FRMD5: variants seen among roughly 807,000 people sequenced by gnomAD.
FRMD5 encodes the protein FERM domain-containing protein 5.
In FRMD5, 20 loss-of-function variants were observed where a neutral mutation model predicts 69.0. That is an observed-to-expected ratio of 0.29 (90% CI 0.20 to 0.42). FRMD5 has a LOEUF of 0.42. FRMD5 is among the 10% of genes least tolerant of loss of function. The pLI, the probability that FRMD5 is intolerant of heterozygous loss-of-function variation, is 1.00. For synonymous variants in FRMD5, 271 were observed against 260.1 expected, an observed-to-expected ratio of 1.04 and a Z score of -0.40; for missense variants, 595 against 708.6, an observed-to-expected ratio of 0.84 and a Z score of 1.82.
chr15:43,877,682 C>T (rs1169018414), intron 13 of FRMD5, among the ~76,000 whole-genome samples: 1 of 152,248 alleles, frequency 6.6e-6, no homozygotes, highest in Non-Finnish European at 1.5e-5. Flanking sequence ...AGAAGCTCCT[C>T]ATAGTCTTAG....
At chr15:44,092,406 C>T (rs926479990) in intron 1 of FRMD5, among the ~76,000 whole-genome samples, 17 of 152,180 alleles carry the variant, frequency 1.1e-4, no homozygotes, top group Non-Finnish European at 2.2e-4. Flanking sequence ...CTGTGATTCA[C>T]GAAGTCACAA....
intron 1 of FRMD5, among the ~76,000 whole-genome samples, chr15:43,983,667 C>T (rs1019867979): frequency 6.6e-6 from 1 of 152,160 alleles, no homozygotes; most frequent in Non-Finnish European, 1.5e-5. Context: ...AAATCTAGCC[C>T]TAAACAAACT....
chr15:44,073,036 A>T (rs1413491742), intron 1 of FRMD5, among the ~76,000 whole-genome samples: 1 of 152,182 alleles, frequency 6.6e-6, no homozygotes, highest in African/African-American at 2.4e-5. Flanking sequence ...TGGGAGGCTG[A>T]GGCAGGAGGG....
chr15:44,096,228 AAG>A (rs1298548542), intron 1 of FRMD5, among the ~76,000 whole-genome samples: 8 of 151,070 alleles, frequency 5.3e-5, no homozygotes, highest in Non-Finnish European at 1.0e-4. Flanking sequence ...AAAAAAAAAA[AAG>A]AGTAAATTAA....
At chr15:44,195,730 T>A (rs1466711715), upstream of FRMD5, among the ~76,000 whole-genome samples, 6 of 152,120 alleles carry the variant, frequency 3.9e-5, no homozygotes, top group Non-Finnish European at 8.8e-5. Context: ...ATAGGGCGAC[T>A]GCCCCCGACC....
chr15:43,936,239 C>A (rs1282312349), intron 1 of FRMD5, among the ~76,000 whole-genome samples: 1 of 152,304 alleles, frequency 6.6e-6, no homozygotes, highest in Non-Finnish European at 1.5e-5. Context: ...GAGGCTCAGG[C>A]TGGAGTACAG....
intron 1 of FRMD5, among the ~76,000 whole-genome samples, chr15:43,926,062 C>T (rs1196075209): frequency 2.0e-5 from 3 of 152,196 alleles, no homozygotes; most frequent in Non-Finnish European, 1.5e-5. Context: ...TGATGCATGG[C>T]AGGCAGGTCC....
At chr15:44,166,783 CAAAAAAAAAA>C (rs1006711939) in intron 1 of FRMD5, among the ~76,000 whole-genome samples, 1 of 53,014 alleles carries the variant, frequency 1.9e-5, no homozygotes, top group Admixed American at 2.1e-4. Flanking sequence ...GACCCTATCT[CAAAAAAAAAA>C]AAAAAAAAAA....
At chr15:44,113,979 T>C (rs1171071594) in intron 1 of FRMD5, among the ~76,000 whole-genome samples, 2 of 152,032 alleles carry the variant, frequency 1.3e-5, no homozygotes, top group Non-Finnish European at 2.9e-5. Flanking sequence ...TAAACATGAA[T>C]CTAGAAAGGG....
At chr15:43,891,226 C>G (rs1567213370) in intron 8 of FRMD5, among the ~76,000 whole-genome samples, 1 of 152,222 alleles carries the variant, frequency 6.6e-6, no homozygotes, top group Non-Finnish European at 1.5e-5. Flanking sequence ...AGCCAAATGT[C>G]AATCAACAAA....
intron 1 of FRMD5, among the ~76,000 whole-genome samples, chr15:43,931,808 G>C (rs2089681301): frequency 6.6e-6 from 1 of 152,142 alleles, no homozygotes; most frequent in Non-Finnish European, 1.5e-5. Context: ...TTAGCAAACA[G>C]GTCAGGATCT....
chr15:44,023,901 T>C (rs1178725245), intron 1 of FRMD5, among the ~76,000 whole-genome samples: 2 of 152,146 alleles, frequency 1.3e-5, no homozygotes, highest in African/African-American at 2.4e-5. Flanking sequence ...TAACCTTTCT[T>C]TACCTTCCTA....
At chr15:43,876,355 C>CTCAAG in intron 13 of FRMD5, 1 of 823,620 alleles carries the variant, frequency 1.2e-6, no homozygotes, top group Non-Finnish European at 2.1e-6. Flanking sequence ...CGGTTTGAGT[C>CTCAAG]TCAAGTCTGC....
chr15:44,065,729 A>G (rs181802015), intron 1 of FRMD5, among the ~76,000 whole-genome samples: 11 of 152,364 alleles, frequency 7.2e-5, no homozygotes, highest in Non-Finnish European at 2.9e-5. Context: ...CAATAAGCAT[A>G]TAAACTGACC....
intron 1 of FRMD5, among the ~76,000 whole-genome samples, chr15:44,108,239 T>A (rs765800395): frequency 6.6e-5 from 10 of 152,160 alleles, no homozygotes; most frequent in Non-Finnish European, 1.5e-4. Context: ...GGTGCAGTGG[T>A]GCACACCTGT....
At chr15:44,181,924 T>G (rs1234623431) in intron 1 of FRMD5, among the ~76,000 whole-genome samples, 1 of 151,788 alleles carries the variant, frequency 6.6e-6, no homozygotes, top group Non-Finnish European at 1.5e-5. Flanking sequence ...AAACAAATAA[T>G]ATCACCATAT....
intron 1 of FRMD5, among the ~76,000 whole-genome samples, chr15:44,169,574 C>T (rs978204758): frequency 6.6e-6 from 1 of 152,078 alleles, no homozygotes; most frequent in African/African-American, 2.4e-5. Flanking sequence ...CAGGAAATGT[C>T]AGTGGATTTC....
In FRMD5 at chr15:44,132,758, G is replaced by T. The variant is rs527925510; in HGVS notation, c.102+62195C>A. 4.0e-3 allele frequency among the ~76,000 whole-genome samples: 488 copies of T among 120,648 alleles called. 4 individuals carry two copies. Among genetic ancestry groups the T allele is most frequent in the African/African-American group, 0.012 (456 of 36,900 alleles). 79.1% of individuals were successfully genotyped at this position (120,648 alleles called of 152,430 possible). A position where few individuals can be genotyped will look rare whatever the true frequency, so the allele number is the denominator to read the frequency against. On this transcript the variant is annotated intron_variant, in intron 1 of 13. Transcript: ENST00000417257. ...TGAATGTATGTATGTATGTATGTAT[G>T]TATGTATTTATTTTTTTGAGACAGA...
At chr15:43,876,384 T>G in intron 13 of FRMD5, 1 of 753,206 alleles carries the variant, frequency 1.3e-6, no homozygotes, top group Non-Finnish European at 2.4e-6. Context: ...TGGAGGGCTT[T>G]AAGAGGCAGG....
Sources: allele counts gnomAD v4.1 joint callset (sites outside exome capture counted in the v4.1 genomes callset), GRCh38; gene constraint gnomAD v4.1.1; transcripts MANE v1.5; gene names NCBI Gene and HGNC (gene_info 2026-07-23, HGNC 2026-07-21).